Variants in EXT1 observed in about 807,000 individuals in gnomAD.
The protein encoded by EXT1 is exostosin glycosyltransferase 1.
EXT1 carries 20 observed loss-of-function variants against 82.5 expected under a neutral mutation model. The observed-to-expected ratio is 0.24, with a 90% CI of 0.17 to 0.35. The LOEUF is 0.35. Among genes scored for constraint, EXT1 ranks in the 10% least tolerant of loss-of-function variants. EXT1 has a pLI of 1.00. For synonymous variants in EXT1, 348 were observed against 350.8 expected (o/e 0.99, Z 0.09); for missense variants, 757 against 936.5 (o/e 0.81, Z 2.50).
At chr8:118,011,896 G>A (rs1815907784) in intron 1 of EXT1, among the ~76,000 whole-genome samples, 1 of 152,182 alleles carries the variant, frequency 6.6e-6, no homozygotes, top group African/African-American at 2.4e-5. Flanking sequence ...AATGGCTCAG[G>A]AAGGGAGGAC....
chr8:117,839,814 C>T (rs1387705238), intron 1 of EXT1, among the ~76,000 whole-genome samples: 3 of 152,314 alleles, frequency 2.0e-5, no homozygotes, highest in Admixed American at 6.5e-5. Flanking sequence ...TTCATTCATT[C>T]TTTCAAGAAA....
intron 1 of EXT1, among the ~76,000 whole-genome samples, chr8:118,025,128 G>A (rs924366133): frequency 3.3e-5 from 5 of 152,168 alleles, no homozygotes; most frequent in Non-Finnish European, 4.4e-5. Context: ...ACTGTACTGG[G>A]GGTCAGAGTG....
intron 1 of EXT1, among the ~76,000 whole-genome samples, chr8:118,002,697 AATTTTTTTGT>A (rs1191988225): frequency 6.6e-6 from 1 of 151,248 alleles, no homozygotes; most frequent in East Asian, 2.0e-4. Context: ...ACGCCCCCCT[AATTTTTTTGT>A]ATTTTTAGTA....
intron 1 of EXT1, among the ~76,000 whole-genome samples, chr8:118,108,356 A>G (rs1817835215): frequency 6.6e-6 from 1 of 152,248 alleles, no homozygotes; most frequent in Non-Finnish European, 1.5e-5. Flanking sequence ...GAAGACACTG[A>G]AAGGTTAGAC....
At chr8:118,097,033 G>A (rs1586271972) in intron 1 of EXT1, among the ~76,000 whole-genome samples, 1 of 152,290 alleles carries the variant, frequency 6.6e-6, no homozygotes, top group South Asian at 2.1e-4. Flanking sequence ...TGGTACGAGA[G>A]CTCAATGTCA....
intron 1 of EXT1, among the ~76,000 whole-genome samples, chr8:117,967,648 T>G (rs992792737): frequency 6.6e-6 from 1 of 152,240 alleles, no homozygotes; most frequent in Non-Finnish European, 1.5e-5. Context: ...AGCACTTGGA[T>G]AACAAGGGCA....
intron 1 of EXT1, among the ~76,000 whole-genome samples, chr8:117,944,804 A>G (rs1408858592): frequency 6.6e-6 from 1 of 152,230 alleles, no homozygotes; most frequent in Non-Finnish European, 1.5e-5. Flanking sequence ...TTATACCAAC[A>G]ATGAAAATAA....
chr8:117,845,131 A>G (rs1223787553), intron 1 of EXT1, among the ~76,000 whole-genome samples: 2 of 152,160 alleles, frequency 1.3e-5, no homozygotes, highest in Non-Finnish European at 2.9e-5. Flanking sequence ...AATCCATTTC[A>G]GCATAGGGAA....
chr8:118,056,490 T>C (rs1271892247), intron 1 of EXT1, among the ~76,000 whole-genome samples: 2 of 152,178 alleles, frequency 1.3e-5, no homozygotes, highest in African/African-American at 2.4e-5. Context: ...CCGGCTTACA[T>C]TGCATCTTAC....
At chr8:117,933,477 C>T (rs1485677116) in intron 1 of EXT1, among the ~76,000 whole-genome samples, 1 of 152,132 alleles carries the variant, frequency 6.6e-6, no homozygotes, top group Admixed American at 6.5e-5. Flanking sequence ...AAATCGTGAC[C>T]TCAAGGGATC....
At chr8:117,975,722 T>C (rs1472842496) in intron 1 of EXT1, among the ~76,000 whole-genome samples, 5 of 152,192 alleles carry the variant, frequency 3.3e-5, no homozygotes, top group African/African-American at 1.2e-4. Flanking sequence ...ATAATGGCTA[T>C]ATTTTACTTT....
intron 1 of EXT1, among the ~76,000 whole-genome samples, chr8:117,858,830 AAGG>A: frequency 2.2e-5 from 1 of 46,100 alleles, no homozygotes; most frequent in African/African-American, 7.5e-5. Flanking sequence ...GGAAGGAAGG[AAGG>A]AAGGAAGGAA....
At chr8:118,073,731 A>ATGC (rs1817151409) in intron 1 of EXT1, among the ~76,000 whole-genome samples, 1 of 150,566 alleles carries the variant, frequency 6.6e-6, no homozygotes, top group South Asian at 2.1e-4. Flanking sequence ...ATCCAGCACA[A>ATGC]ATAATTCCTT....
At chr8:117,984,856 T>A (rs905050617) in intron 1 of EXT1, among the ~76,000 whole-genome samples, 1 of 152,032 alleles carries the variant, frequency 6.6e-6, no homozygotes, top group African/African-American at 2.4e-5. Context: ...GAGGAAACAT[T>A]AACAGTTTCC....
At chr8:117,995,627 T>G (rs966022269) in intron 1 of EXT1, among the ~76,000 whole-genome samples, 7 of 152,116 alleles carry the variant, frequency 4.6e-5, no homozygotes, top group Non-Finnish European at 5.9e-5. Flanking sequence ...CTTAACTTTT[T>G]GCCTAAATGA....
intron 1 of EXT1, among the ~76,000 whole-genome samples, chr8:117,904,167 A>T (rs2129973840): frequency 6.6e-6 from 1 of 152,356 alleles, no homozygotes; most frequent in South Asian, 2.1e-4. Context: ...GAAACGTGAG[A>T]ATAACTTCTC....
intron 1 of EXT1, among the ~76,000 whole-genome samples, chr8:117,888,904 T>C (rs1813195869): frequency 6.6e-6 from 1 of 152,238 alleles, no homozygotes; most frequent in Admixed American, 6.5e-5. Context: ...GCCTGTGCTC[T>C]TTCTGCTATT....
rs779457224 is a variant in EXT1 at position 118,110,257 on chromosome 8, G to C, written c.790C>G (p.Leu264Val). 5 of 1,614,144 alleles carry C rather than the reference G, an allele frequency of 3.1e-6. No individual in the cohort carries two copies. The Admixed American group carries it at 5.0e-5, about 16-fold the overall frequency. ...NTIPPLRKYMLVFKGKRYLTG... is the reference protein window; with the variant it reads ...NTIPPLRKYMVVFKGKRYLTG... The stretch of plus-strand genomic sequence containing the variant: ...AGGTACCTCTTCCCCTTGAATACCA[G>C]CATGTACTTCCTGAGAGGAGGGATG... The change falls in exon 1 of 11, where the codon CTG becomes GTG. Residue 264 changes from leucine to valine, a missense_variant. Physicochemically the swap from Leu to Val is conservative, Grantham distance 32. This residue lies in a region of EXT1 where 247 missense variants were observed against 330.1 expected (regional missense o/e 0.75). Transcript: ENST00000378204.
chr8:118,077,729 T>TA (rs900957539), intron 1 of EXT1, among the ~76,000 whole-genome samples: 1 of 152,146 alleles, frequency 6.6e-6, no homozygotes, highest in Non-Finnish European at 1.5e-5. Context: ...ACTTCACAAT[T>TA]AAAAAAATGT....
Sources: gnomAD v4.1 joint callset for allele counts (sites outside exome capture counted in the v4.1 genomes callset) on GRCh38, gnomAD v4.1.1 for gene constraint, gnomAD v4.1.1 regional missense constraint, MANE v1.5 for transcripts, NCBI Gene and HGNC (gene_info 2026-07-23, HGNC 2026-07-21) for gene names.